Variants in PTPRA observed in about 807,000 individuals in gnomAD.
PTPRA encodes receptor-type tyrosine-protein phosphatase alpha.
Under a neutral mutation model 104.8 loss-of-function variants are expected in PTPRA, and 25 were observed. The ratio of observed to expected loss-of-function variants is 0.24; its 90% CI spans 0.17 to 0.33. PTPRA has a LOEUF of 0.33. Ranked by LOEUF, PTPRA falls within the 10% of genes least tolerant of loss-of-function variation. PTPRA has a pLI of 1.00. For missense variants in PTPRA, 765 were observed against 1,015.3 expected (o/e 0.75, Z 3.35); for synonymous variants, 323 against 368.9 (o/e 0.88, Z 1.43).
chr20:2,890,267 A>G (rs143178022), intron 1 of PTPRA, among the ~76,000 whole-genome samples: 2 of 151,914 alleles, frequency 1.3e-5, no homozygotes, highest in Non-Finnish European at 2.9e-5. Context: ...TTTCTTTTAT[A>G]TATTCCTTGT....
At chr20:2,907,023 C>T (rs2147164416) in intron 1 of PTPRA, among the ~76,000 whole-genome samples, 1 of 152,114 alleles carries the variant, frequency 6.6e-6, no homozygotes, top group African/African-American at 2.4e-5. Flanking sequence ...AAACTATATC[C>T]ACTGCAAATT....
rs529488924 is a variant in PTPRA, at chr20:2,904,518, A to C, written c.-128-18689A>C. ...ACTCCGTCTCTACTAAAATACAAAA[A>C]ATTAGCCGGGCATGGTAGCGGATGC... is the stretch of plus-strand genomic sequence containing the variant. On this transcript the variant is annotated intron_variant, in intron 1 of 23. Transcript: ENST00000399903. Among the ~76,000 whole-genome samples the C allele has an allele frequency of 7.2e-4, 110 of 152,020 alleles. 3 individuals are homozygous for C. The South Asian group carries it at 0.022, about 31-fold the overall frequency.
In PTPRA at chr20:2,999,493, T is replaced by A. The variant is rs2063539612; in HGVS notation, c.739-5563T>A. ...TTTAGTAATTAAGACAGTTTTGTAT[T>A]GGCACTGGGATAGACAGATCGACCA... On this transcript the variant is annotated intron_variant, in intron 9 of 23. Transcript: ENST00000399903. 3.3e-5 allele frequency among the ~76,000 whole-genome samples: 5 copies of A among 152,320 alleles called. No individual in the cohort carries two copies. In the South Asian group the frequency reaches 1.0e-3, roughly 32 times the overall value.
chr20:2,991,102 C>T (rs1163280245), intron 9 of PTPRA, among the ~76,000 whole-genome samples: 2 of 152,086 alleles, frequency 1.3e-5, no homozygotes, highest in African/African-American at 4.8e-5. Context: ...ACCTGTAATC[C>T]CAGCACTTTG....
chr20:3,035,583 A>G lies in PTPRA; in HGVS notation c.1921-2A>G. On this transcript the variant is annotated splice_acceptor_variant, in intron 20 of 23. Coordinates refer to ENST00000399903, the MANE Select transcript of PTPRA (RefSeq NM_001385305.1). LOFTEE classifies it high-confidence loss of function. This position sits in a 1 kb window ranked among gnomAD's most constrained non-coding sequence, Gnocchi z 5.8. ...CCTCACCTCTCCAACCTGTCTCTCC[A>G]GGAGAAGTGTGCCCAGTACTGGCCA... The G allele has an allele frequency of 1.2e-6, 2 of 1,610,314 alleles. No individual in the cohort carries two copies.
chr20:2,928,030 A>G (rs2060368786), intron 2 of PTPRA, among the ~76,000 whole-genome samples: 1 of 152,094 alleles, frequency 6.6e-6, no homozygotes, highest in African/African-American at 2.4e-5. Context: ...TCAGTCAATC[A>G]ATCTATCTTA....
chr20:2,870,713 C>T (rs913373744), upstream of PTPRA, among the ~76,000 whole-genome samples: 5 of 152,166 alleles, frequency 3.3e-5, no homozygotes, highest in African/African-American at 7.2e-5. Flanking sequence ...GGAGTCCTTT[C>T]CCCCCATCCT....
At chr20:3,000,085 A>G (rs984942740) in intron 9 of PTPRA, among the ~76,000 whole-genome samples, 1 of 152,182 alleles carries the variant, frequency 6.6e-6, no homozygotes, top group Non-Finnish European at 1.5e-5. Context: ...GGAGTTCGAG[A>G]CCAGCCTGGC....
chr20:3,001,506 G>A (rs1249089834), intron 9 of PTPRA, among the ~76,000 whole-genome samples: 1 of 152,188 alleles, frequency 6.6e-6, no homozygotes, highest in Non-Finnish European at 1.5e-5. Context: ...GAGAAGGGAT[G>A]CACAGGAAAA....
At chr20:2,922,581 A>T (rs1171735320) in intron 1 of PTPRA, among the ~76,000 whole-genome samples, 2 of 151,876 alleles carry the variant, frequency 1.3e-5, no homozygotes, top group African/African-American at 4.8e-5. Flanking sequence ...TTCTCAGGTG[A>T]TCCGCCTGCC....
In PTPRA at chr20:2,964,514, C is replaced by T. The variant is rs556282540; in HGVS notation, c.73+164C>T. ...TTCAGAAATCTTGGAATTGAATGCT[C>T]AGCATTGTTTTTCATACATACATAA... On this transcript the variant is annotated intron_variant, in intron 4 of 23. Coordinates refer to ENST00000399903, the MANE Select transcript of PTPRA (RefSeq NM_001385305.1). Among the ~76,000 whole-genome samples the T allele has an allele frequency of 1.1e-4, 17 of 152,290 alleles. No homozygotes were observed. The South Asian group carries it at 3.5e-3, about 32-fold the overall frequency.
At chr20:3,027,400 A>G (rs1351089582) in intron 19 of PTPRA, among the ~76,000 whole-genome samples, 2 of 152,224 alleles carry the variant, frequency 1.3e-5, no homozygotes, top group African/African-American at 2.4e-5. Flanking sequence ...AACAGATGGC[A>G]TGCAGTAGTA....
intron 6 of PTPRA, 142 bp downstream of exon 6, chr20:2,975,383 A>G: frequency 1.6e-6 from 1 of 637,970 alleles, no homozygotes; most frequent in Non-Finnish European, 2.4e-6. Context: ...TTCCATGTTA[A>G]TCTCATGGAG....
chr20:2,903,166 A>G (rs2059298482), intron 1 of PTPRA, among the ~76,000 whole-genome samples: 1 of 152,228 alleles, frequency 6.6e-6, no homozygotes, highest in Non-Finnish European at 1.5e-5. Flanking sequence ...TTTTTGGGTT[A>G]AGAATGCTCA....
intron 1 of PTPRA, among the ~76,000 whole-genome samples, chr20:2,918,474 T>G (rs2059989500): frequency 6.6e-6 from 1 of 152,228 alleles, no homozygotes; most frequent in Admixed American, 6.5e-5. Context: ...GGACTTCCTA[T>G]GAATGGCTCT....
At chr20:2,910,013 TATATAATCTATCATATATCATATC>T (rs2059599869) in intron 1 of PTPRA, among the ~76,000 whole-genome samples, 2 of 87,050 alleles carry the variant, frequency 2.3e-5, no homozygotes, top group South Asian at 2.8e-4. Context: ...TCATATATCA[TATATAATCTATCATATATCATATC>T]ATATATAATA....
chr20:2,916,068 C>G (rs2059894187), intron 1 of PTPRA, among the ~76,000 whole-genome samples: 1 of 152,114 alleles, frequency 6.6e-6, no homozygotes, highest in Non-Finnish European at 1.5e-5. Context: ...GAGACAGGGT[C>G]TTGCTCTGTG....
At position 2,954,896 on chromosome 20, in the gene PTPRA, G is replaced by A. The variant is rs74891265; in HGVS notation, c.-7+6872G>A. Among the ~76,000 whole-genome samples, 742 of 152,264 alleles carry A rather than the reference G, an allele frequency of 4.9e-3. 7 individuals carry two copies. The highest frequency in any genetic ancestry group is 0.017 in the African/African-American group (694 of 41,548). ...AAGTGGTATAAGGGAGGGGTCCAGC[G>A]TTATTGTTTCACGTGTAGATATACA... On this transcript the variant is annotated intron_variant, in intron 3 of 23. Transcript: ENST00000399903.
chr20:3,037,136 G>A lies in PTPRA; in HGVS notation c.2199-18G>A, dbSNP rs367994160. On this transcript the variant is annotated intron_variant, in intron 22 of 23. Transcript: ENST00000399903. This position sits in a 1 kb window ranked among gnomAD's most constrained non-coding sequence, Gnocchi z 4.3. ...GAGGGCCATCACAGGTGTGGTAAAT[G>A]TGTCTGCTCTGTTGCAGCGCCGGGG... 9.4e-5 allele frequency: 151 copies of A among 1,612,448 alleles called. No individual in the cohort carries two copies. The highest frequency in any genetic ancestry group is 3.2e-4 in the South Asian group (29 of 90,810).
Sources: allele counts gnomAD v4.1 joint callset (sites outside exome capture counted in the v4.1 genomes callset), GRCh38; gene constraint gnomAD v4.1.1; non-coding constraint Gnocchi (gnomAD v3.1); transcripts MANE v1.5; gene names NCBI Gene and HGNC (gene_info 2026-07-23, HGNC 2026-07-21).